CTNNA2: variants seen among roughly 807,000 people sequenced by gnomAD.
CTNNA2 encodes catenin alpha-2.
A neutral mutation model predicts 101.0 loss-of-function variants in CTNNA2; 42 were observed. The observed-to-expected ratio is 0.42, with a 90% CI of 0.32 to 0.54. CTNNA2 has a LOEUF of 0.54. Ranked by LOEUF, CTNNA2 falls within the 20% of genes least tolerant of loss-of-function variation. The pLI, the probability that CTNNA2 is intolerant of heterozygous loss-of-function variation, is 0.14. For missense variants in CTNNA2, 871 were observed against 1,223.1 expected (o/e 0.71, Z 4.29); for synonymous variants, 450 against 456.4 (o/e 0.99, Z 0.18).
chr2:80,417,078 G>A (rs1166206674), intron 8 of CTNNA2, among the ~76,000 whole-genome samples: 1 of 151,624 alleles, frequency 6.6e-6, no homozygotes, highest in South Asian at 2.1e-4. Context: ...TGATAATTAC[G>A]GGTCAGTCTT....
At chr2:79,955,124 A>T (rs1205990231) in intron 7 of CTNNA2, among the ~76,000 whole-genome samples, 2 of 152,162 alleles carry the variant, frequency 1.3e-5, no homozygotes, top group Non-Finnish European at 2.9e-5. Context: ...GACATGTTTT[A>T]TTATGGCAGA....
Position 80,211,068 on chromosome 2 carries a change from A to AT in CTNNA2, c.1057-182137dup, listed in dbSNP as rs548730277. Among the ~76,000 whole-genome samples, 738 of 151,682 alleles carry AT rather than the reference A, an allele frequency of 4.9e-3. 5 individuals are homozygous for AT. The highest frequency in any genetic ancestry group is 0.017 in the African/African-American group (686 of 41,370). ...GCCCACTTTTTGATGGGGTTGTTTG[A>AT]TTTTTTCTTGTAAATTTGTTGAAGT... On this transcript the variant is annotated intron_variant, in intron 7 of 18. Transcript: ENST00000402739.
At chr2:79,815,420 C>G (rs146322159) in intron 3 of CTNNA2, among the ~76,000 whole-genome samples, 1 of 151,608 alleles carries the variant, frequency 6.6e-6, no homozygotes, top group East Asian at 1.9e-4. Flanking sequence ...GATTTAAGCC[C>G]TTAATCCATC....
intron 9 of CTNNA2, among the ~76,000 whole-genome samples, chr2:80,505,741 A>C (rs370839776): frequency 6.6e-5 from 10 of 152,206 alleles, no homozygotes; most frequent in East Asian, 3.8e-4. Context: ...CAATAGCTCA[A>C]CTTTGCAGAT....
chr2:79,210,782 T>G (rs904288227), intron 2 of CTNNA2, among the ~76,000 whole-genome samples: 1 of 152,046 alleles, frequency 6.6e-6, no homozygotes, highest in Non-Finnish European at 1.5e-5. Flanking sequence ...AGTGAGGACA[T>G]GCAATGTTTT....
At chr2:80,357,392 A>T (rs915092734) in intron 7 of CTNNA2, among the ~76,000 whole-genome samples, 2 of 151,934 alleles carry the variant, frequency 1.3e-5, no homozygotes, top group Non-Finnish European at 2.9e-5. Context: ...GTCTATCTGT[A>T]TTTGGTATTT....
intron 1 of CTNNA2, among the ~76,000 whole-genome samples, chr2:79,580,609 G>A (rs1029248788): frequency 6.6e-6 from 1 of 152,156 alleles, no homozygotes; most frequent in African/African-American, 2.4e-5. Context: ...TGTTCCTTTT[G>A]TGGTAATTTG....
chr2:80,224,353 T>C (rs1404151538), intron 7 of CTNNA2, among the ~76,000 whole-genome samples: 2 of 152,242 alleles, frequency 1.3e-5, no homozygotes, highest in African/African-American at 4.8e-5. Flanking sequence ...GGGAATGACA[T>C]TGGCATACTC....
chr2:79,996,191 A>C (rs1486931150), intron 7 of CTNNA2, among the ~76,000 whole-genome samples: 2 of 152,232 alleles, frequency 1.3e-5, no homozygotes, highest in Non-Finnish European at 2.9e-5. Flanking sequence ...AGCATATGCT[A>C]TATTGCTAGT....
chr2:80,440,541 C>T (rs140499911), intron 9 of CTNNA2, among the ~76,000 whole-genome samples: 6 of 152,260 alleles, frequency 3.9e-5, no homozygotes, highest in East Asian at 3.9e-4. Flanking sequence ...CACATTGAGA[C>T]GAAGTTAGAC....
At chr2:80,252,310 A>C (rs1442922815) in intron 7 of CTNNA2, among the ~76,000 whole-genome samples, 2 of 152,172 alleles carry the variant, frequency 1.3e-5, no homozygotes, top group Non-Finnish European at 2.9e-5. Context: ...TTAAGAAGAT[A>C]ATTTAAATAC....
chr2:79,549,947 T>C (rs752471676), intron 1 of CTNNA2, among the ~76,000 whole-genome samples: 7 of 152,176 alleles, frequency 4.6e-5, no homozygotes, highest in Non-Finnish European at 8.8e-5. Flanking sequence ...GGTATGTTTG[T>C]TTTAATTATA....
intron 1 of CTNNA2, among the ~76,000 whole-genome samples, chr2:79,609,232 A>G (rs1365873074): frequency 6.6e-6 from 1 of 151,910 alleles, no homozygotes; most frequent in South Asian, 2.1e-4. Context: ...TAAAAACCCA[A>G]TATTATTAAG....
chr2:80,383,594 G>A (rs1484607458), intron 7 of CTNNA2, among the ~76,000 whole-genome samples: 1 of 152,116 alleles, frequency 6.6e-6, no homozygotes, highest in Non-Finnish European at 1.5e-5. Flanking sequence ...TTGAAGAATG[G>A]GTACAACCTG....
intron 15 of CTNNA2, among the ~76,000 whole-genome samples, chr2:80,601,413 C>CTTTT (rs1697501313): frequency 4.9e-5 from 3 of 61,854 alleles, no homozygotes; most frequent in African/African-American, 1.7e-4. Context: ...TTTTTTCTTT[C>CTTTT]TTTCTTTCTT....
At chr2:79,286,861 G>T (rs567634540) in intron 2 of CTNNA2, among the ~76,000 whole-genome samples, 1 of 152,208 alleles carries the variant, frequency 6.6e-6, no homozygotes, top group South Asian at 2.1e-4. Flanking sequence ...TTCCAACTTG[G>T]TTCCATTCTC....
chr2:79,398,048 A>C (rs1056950444), intron 4 of CTNNA2, among the ~76,000 whole-genome samples: 5 of 152,160 alleles, frequency 3.3e-5, no homozygotes, highest in Non-Finnish European at 7.3e-5. Flanking sequence ...TTCTAGTTAA[A>C]ATTCTCTTGG....
At chr2:80,260,310 G>C (rs760130108) in intron 7 of CTNNA2, among the ~76,000 whole-genome samples, 1 of 152,174 alleles carries the variant, frequency 6.6e-6, no homozygotes, top group Non-Finnish European at 1.5e-5. Context: ...AGATGGCAGA[G>C]GGTCAGCTAA....
intron 2 of CTNNA2, among the ~76,000 whole-genome samples, chr2:79,716,252 T>A (rs182212245): frequency 3.3e-4 from 50 of 152,332 alleles, no homozygotes; most frequent in African/African-American, 1.1e-3. Context: ...TTTTATTTTA[T>A]GTCATTGATT....
Sources: allele counts gnomAD v4.1 joint callset (sites outside exome capture counted in the v4.1 genomes callset), GRCh38; gene constraint gnomAD v4.1.1; transcripts MANE v1.5; gene names NCBI Gene and HGNC (gene_info 2026-07-23, HGNC 2026-07-21).